The following SLCO1B1 variants were observed in gnomAD, a reference collection of about 807,000 sequenced individuals.
SLCO1B1 encodes the protein OATP-2.
SLCO1B1 carries 81 observed loss-of-function variants against 70.1 expected under a neutral mutation model. That is an observed-to-expected ratio of 1.16 (90% CI 0.97 to 1.39). The LOEUF is 1.39. Ranked by LOEUF, SLCO1B1 falls within the 40% of genes most tolerant of loss-of-function variation. The pLI, the probability that SLCO1B1 is intolerant of heterozygous loss-of-function variation, is 0.00. For synonymous variants in SLCO1B1, 283 were observed against 271.5 expected, an observed-to-expected ratio of 1.04 and a Z score of -0.42; for missense variants, 895 against 799.6, an observed-to-expected ratio of 1.12 and a Z score of -1.44.
chr12:21,143,652 C>G (rs764139056), intron 2 of SLCO1B1, among the ~76,000 whole-genome samples: 1 of 151,990 alleles, frequency 6.6e-6, no homozygotes, highest in Non-Finnish European at 1.5e-5. Flanking sequence ...AATTGGTACA[C>G]TGAAGGTCTG....
chr12:21,141,706 T>C (rs1468859981), intron 2 of SLCO1B1, 48 bp downstream of exon 2: 6 of 1,181,068 alleles, frequency 5.1e-6, no homozygotes, highest in Non-Finnish European at 7.5e-6. Context: ...AATAGGGAAC[T>C]TTAATGTATA....
At chr12:21,225,365 C>A (rs1033508411) in intron 14 of SLCO1B1, among the ~76,000 whole-genome samples, 1 of 151,960 alleles carries the variant, frequency 6.6e-6, no homozygotes, top group African/African-American at 2.4e-5. Context: ...CCGTAAGTGA[C>A]ATGAAGATAA....
At chr12:21,144,450 C>T (rs1940355420) in intron 2 of SLCO1B1, among the ~76,000 whole-genome samples, 1 of 151,942 alleles carries the variant, frequency 6.6e-6, no homozygotes, top group South Asian at 2.1e-4. Flanking sequence ...ATTGGCATTC[C>T]TGAAAGAGGA....
intron 11 of SLCO1B1, among the ~76,000 whole-genome samples, chr12:21,215,239 C>G (rs1346400841): frequency 6.6e-6 from 1 of 152,180 alleles, no homozygotes; most frequent in East Asian, 1.9e-4. Flanking sequence ...TGAGAGTGGG[C>G]ATTCATGCTT....
intron 1 of SLCO1B1, among the ~76,000 whole-genome samples, chr12:21,138,147 C>T (rs1940254015): frequency 6.6e-6 from 1 of 152,176 alleles, no homozygotes; most frequent in Non-Finnish European, 1.5e-5. Context: ...TTAGCAAATG[C>T]TGTTTTTCCT....
At chr12:21,210,574 A>G (rs1941271046) in intron 11 of SLCO1B1, among the ~76,000 whole-genome samples, 1 of 146,400 alleles carries the variant, frequency 6.8e-6, no homozygotes, top group African/African-American at 2.5e-5. Flanking sequence ...ATGAACTTTA[A>G]AGTATTTTCC....
intron 14 of SLCO1B1, among the ~76,000 whole-genome samples, chr12:21,238,133 T>C (rs1941613070): frequency 1.3e-5 from 2 of 152,208 alleles, no homozygotes; most frequent in African/African-American, 4.8e-5. Flanking sequence ...ATTGATTTAC[T>C]TTTTAGTCTT....
chr12:21,183,756 A>G (rs1338899221), intron 7 of SLCO1B1, among the ~76,000 whole-genome samples: 2 of 152,206 alleles, frequency 1.3e-5, no homozygotes, highest in African/African-American at 4.8e-5. Flanking sequence ...CCACATTGGA[A>G]TGACTAAAAT....
At chr12:21,145,393 C>T (rs1328274096) in intron 2 of SLCO1B1, among the ~76,000 whole-genome samples, 3 of 151,730 alleles carry the variant, frequency 2.0e-5, no homozygotes, top group Non-Finnish European at 4.4e-5. Flanking sequence ...GCAAACTCCA[C>T]CTCCCAGGCT....
intron 4 of SLCO1B1, among the ~76,000 whole-genome samples, chr12:21,175,266 C>G (rs1940806333): frequency 6.6e-6 from 1 of 152,042 alleles, no homozygotes; most frequent in Non-Finnish European, 1.5e-5. Flanking sequence ...CTTCATGATC[C>G]AAATTGTGGC....
At position 21,137,538 on chromosome 12, in the gene SLCO1B1, T is replaced by C. The variant is rs61356022; in HGVS notation, c.-61-3976T>C. On this transcript the variant is annotated intron_variant, in intron 1 of 14. Coordinates refer to ENST00000256958, the MANE Select transcript of SLCO1B1 (RefSeq NM_006446.5). The stretch of plus-strand genomic sequence containing the variant: ...AATCAAACAACTAACTCAGCAATGG[T>C]GGCCGCCCCTCCCCCAGCCTCGCTG... Among the ~76,000 whole-genome samples the C allele has an allele frequency of 3.5e-3, 540 of 152,238 alleles. 2 individuals carry two copies. The highest frequency in any genetic ancestry group is 0.012 in the African/African-American group (506 of 41,548).
At chr12:21,161,272 C>T (rs1940615351) in intron 2 of SLCO1B1, among the ~76,000 whole-genome samples, 1 of 152,102 alleles carries the variant, frequency 6.6e-6, no homozygotes, top group Admixed American at 6.6e-5. Flanking sequence ...ACCTATATGC[C>T]CATCAATGAC....
chr12:21,149,432 G>C (rs1940436657), intron 2 of SLCO1B1, among the ~76,000 whole-genome samples: 1 of 151,992 alleles, frequency 6.6e-6, no homozygotes, highest in South Asian at 2.1e-4. Context: ...TTTTAGCACA[G>C]CTCCAGTGTG....
At chr12:21,236,219 G>A (rs918766013) in intron 14 of SLCO1B1, among the ~76,000 whole-genome samples, 1 of 152,070 alleles carries the variant, frequency 6.6e-6, no homozygotes, top group Non-Finnish European at 1.5e-5. Context: ...TGTCCCAGGG[G>A]AAGCTATAGT....
intron 1 of SLCO1B1, among the ~76,000 whole-genome samples, chr12:21,133,015 T>C (rs902613007): frequency 6.6e-6 from 1 of 151,940 alleles, no homozygotes; most frequent in Non-Finnish European, 1.5e-5. Flanking sequence ...TTGTGTAAGG[T>C]GTAAGGAAGG....
At chr12:21,184,704 C>A (rs1184553938) in intron 7 of SLCO1B1, among the ~76,000 whole-genome samples, 3 of 151,990 alleles carry the variant, frequency 2.0e-5, no homozygotes, top group Non-Finnish European at 4.4e-5. Context: ...ACTATACAAC[C>A]AAGTCTATGA....
chr12:21,136,196 A>T (rs1196520251), intron 1 of SLCO1B1, among the ~76,000 whole-genome samples: 1 of 152,172 alleles, frequency 6.6e-6, no homozygotes, highest in Non-Finnish European at 1.5e-5. Flanking sequence ...CTGCCGAGAG[A>T]TCAGCTGTTA....
At chr12:21,166,855 G>A (rs925070761) in intron 2 of SLCO1B1, among the ~76,000 whole-genome samples, 1 of 152,158 alleles carries the variant, frequency 6.6e-6, no homozygotes, top group Non-Finnish European at 1.5e-5. Context: ...GTTTATAGCA[G>A]CCTTATTGAT....
At chr12:21,213,161 G>A (rs531321977) in intron 11 of SLCO1B1, among the ~76,000 whole-genome samples, 18,651 of 151,954 alleles carry the variant, frequency 0.12, 1,565 homozygotes, top group Non-Finnish European at 0.18. Flanking sequence ...TCCTAGTCTT[G>A]ATGGTCTTTA....
Sources: gnomAD v4.1 joint callset for allele counts (sites outside exome capture counted in the v4.1 genomes callset) on GRCh38, gnomAD v4.1.1 for gene constraint, MANE v1.5 for transcripts, NCBI Gene and HGNC (gene_info 2026-07-23, HGNC 2026-07-21) for gene names.